SPOCK1: variants seen among roughly 807,000 people sequenced by gnomAD.
The protein encoded by SPOCK1 is SPARC (osteonectin), cwcv and kazal like domains proteoglycan 1, also known as testican-1.
SPOCK1 carries 23 observed loss-of-function variants against 55.3 expected under a neutral mutation model. That is an observed-to-expected ratio of 0.42 (90% CI 0.30 to 0.59). The LOEUF (loss-of-function observed/expected upper bound fraction) is 0.59, where lower values mean the gene tolerates loss of function less well. Among genes scored for constraint, SPOCK1 ranks in the 20% least tolerant of loss-of-function variants. The pLI is 0.22. For synonymous variants in SPOCK1, 226 were observed against 221.0 expected (o/e 1.02, Z -0.20); for missense variants, 499 against 552.5 (o/e 0.90, Z 0.97).
intron 3 of SPOCK1, among the ~76,000 whole-genome samples, chr5:137,249,631 C>G (rs1232600797): frequency 1.3e-5 from 2 of 152,116 alleles, no homozygotes; most frequent in East Asian, 3.8e-4. Context: ...TTTACTTTGC[C>G]TTTTATGTAC....
intron 2 of SPOCK1, among the ~76,000 whole-genome samples, chr5:137,376,708 G>GTT (rs200106050): frequency 1.3e-5 from 2 of 151,772 alleles, no homozygotes; most frequent in African/African-American, 4.8e-5. Flanking sequence ...TCAGGCTCTT[G>GTT]TTTTTTTTCT....
At chr5:137,244,327 C>G (rs1756354708) in intron 3 of SPOCK1, among the ~76,000 whole-genome samples, 1 of 152,176 alleles carries the variant, frequency 6.6e-6, no homozygotes, top group Non-Finnish European at 1.5e-5. Context: ...AGAGACTGCT[C>G]TGGGAAACCC....
At chr5:136,996,623 G>C (rs755891261) in intron 6 of SPOCK1, among the ~76,000 whole-genome samples, 2 of 152,088 alleles carry the variant, frequency 1.3e-5, no homozygotes, top group African/African-American at 4.8e-5. Context: ...TTCCTGGGTC[G>C]AGTGGGGACT....
chr5:137,116,382 C>T (rs940796173), intron 4 of SPOCK1, among the ~76,000 whole-genome samples: 22 of 152,216 alleles, frequency 1.4e-4, no homozygotes, highest in South Asian at 4.1e-4. Context: ...TGTGGCTCAA[C>T]GCCTAAAATC....
At chr5:137,173,788 CCTT>C (rs1219203230) in intron 3 of SPOCK1, among the ~76,000 whole-genome samples, 10 of 152,170 alleles carry the variant, frequency 6.6e-5, no homozygotes, top group Non-Finnish European at 1.5e-4. Context: ...GGTAATGACT[CCTT>C]CAGGGAAAAG....
chr5:137,300,789 T>C (rs1757573809), intron 2 of SPOCK1, among the ~76,000 whole-genome samples: 2 of 152,196 alleles, frequency 1.3e-5, no homozygotes, highest in South Asian at 4.1e-4. Flanking sequence ...CCTCCAATTC[T>C]GAAACCCAGT....
chr5:137,207,034 C>T (rs1417711795), intron 3 of SPOCK1, among the ~76,000 whole-genome samples: 1 of 152,212 alleles, frequency 6.6e-6, no homozygotes, highest in African/African-American at 2.4e-5. Flanking sequence ...ATGCTTGCCC[C>T]TGGAATGTGT....
rs749307531 is a variant in SPOCK1, at chr5:136,976,541, T to C, written c.*2113A>G. The C allele has an allele frequency of 2.0e-5, 3 of 152,684 alleles. No homozygotes were observed. The highest frequency in any genetic ancestry group is 4.4e-5 in the Non-Finnish European group (3 of 68,044). 9.5% of individuals were successfully genotyped at this position (152,684 alleles called of 1,614,324 possible). A position where few individuals can be genotyped will look rare whatever the true frequency, so the allele number is the denominator to read the frequency against. ...TACATTTTCCTAAGCTCAAAGGAGA[T>C]AGTAACAATGGTTTTCTTTGATGAT... On this transcript the variant is annotated 3_prime_UTR_variant, in exon 11 of 11. Transcript: ENST00000394945.
At chr5:137,465,978 T>A (rs1325845698) in intron 2 of SPOCK1, among the ~76,000 whole-genome samples, 1 of 152,222 alleles carries the variant, frequency 6.6e-6, no homozygotes, top group African/African-American at 2.4e-5. Context: ...TACATTCTTC[T>A]GTTCATTACA....
intron 2 of SPOCK1, among the ~76,000 whole-genome samples, chr5:137,462,217 C>A (rs528457707): frequency 4.6e-5 from 7 of 152,190 alleles, no homozygotes; most frequent in Non-Finnish European, 8.8e-5. Flanking sequence ...TTATTTTTCA[C>A]TGATAGAATT....
At chr5:137,416,836 T>A (rs1320086898) in intron 2 of SPOCK1, among the ~76,000 whole-genome samples, 1 of 152,136 alleles carries the variant, frequency 6.6e-6, no homozygotes, top group African/African-American at 2.4e-5. Flanking sequence ...TGATTTTAAT[T>A]TGCATTTCCA....
chr5:137,456,918 T>C (rs1753379920), intron 2 of SPOCK1, among the ~76,000 whole-genome samples: 1 of 152,220 alleles, frequency 6.6e-6, no homozygotes, highest in African/African-American at 2.4e-5. Context: ...CCAACTACTA[T>C]ACCTCTGCTA....
intron 3 of SPOCK1, among the ~76,000 whole-genome samples, chr5:137,236,830 G>A (rs2127097549): frequency 6.6e-6 from 1 of 152,314 alleles, no homozygotes; most frequent in African/African-American, 2.4e-5. Context: ...AGGCCTGGGA[G>A]CTTCCTGAAC....
intron 5 of SPOCK1, among the ~76,000 whole-genome samples, chr5:137,068,066 A>G (rs1752544538): frequency 6.6e-6 from 1 of 152,174 alleles, no homozygotes; most frequent in Non-Finnish European, 1.5e-5. Context: ...ACTTCCTTTA[A>G]TGATGGTAAA....
intron 7 of SPOCK1, 137 bp downstream of exon 7, chr5:136,992,347 T>A: frequency 1.4e-6 from 1 of 723,798 alleles, no homozygotes; most frequent in Non-Finnish European, 2.2e-6. Context: ...TAATCCAACT[T>A]TTTTTTGAGA....
At chr5:137,391,083 G>C (rs1751712853) in intron 2 of SPOCK1, among the ~76,000 whole-genome samples, 1 of 152,052 alleles carries the variant, frequency 6.6e-6, no homozygotes, top group Admixed American at 6.5e-5. Context: ...AGAGAACTGG[G>C]TGTGTGATGT....
chr5:137,404,217 C>T (rs1039790774), intron 2 of SPOCK1, among the ~76,000 whole-genome samples: 10 of 152,108 alleles, frequency 6.6e-5, no homozygotes, highest in East Asian at 3.9e-4. Flanking sequence ...AAAAGCTGCA[C>T]GGCAAGTGCA....
chr5:137,157,844 G>A (rs1341674519), intron 3 of SPOCK1, among the ~76,000 whole-genome samples: 1 of 152,196 alleles, frequency 6.6e-6, no homozygotes, highest in East Asian at 1.9e-4. Flanking sequence ...CAGATCACCT[G>A]AGGTCAGGAG....
Position 137,445,539 on chromosome 5 carries a change from T to TA in SPOCK1, c.186+52833dup, listed in dbSNP as rs1240709106. ...GTCCCTGAAGAGTATCATACAAGTGTAAATGAGGAAAGGGAAGAGGGAGTC... is the reference window on the plus strand; with the variant it reads ...GTCCCTGAAGAGTATCATACAAGTGTAAAATGAGGAAAGGGAAGAGGGAGTC... On this transcript the variant is annotated intron_variant, in intron 2 of 10. Transcript: ENST00000394945. Among the ~76,000 whole-genome samples, 3 of 152,098 alleles carry TA rather than the reference T, an allele frequency of 2.0e-5. No individual in the cohort carries two copies. In the East Asian group the frequency reaches 5.8e-4, roughly 29 times the overall value.
Sources: allele counts gnomAD v4.1 joint callset (sites outside exome capture counted in the v4.1 genomes callset), GRCh38; gene constraint gnomAD v4.1.1; transcripts MANE v1.5; gene names NCBI Gene and HGNC (gene_info 2026-07-23, HGNC 2026-07-21).